RBFOX3: variants seen among roughly 807,000 people sequenced by gnomAD.
RBFOX3 encodes the protein RNA binding fox-1 homolog 3, also known as RNA binding protein fox-1 homolog 3.
A neutral mutation model predicts 48.7 loss-of-function variants in RBFOX3; 17 were observed. The ratio of observed to expected loss-of-function variants is 0.35; its 90% CI spans 0.24 to 0.52. The LOEUF (loss-of-function observed/expected upper bound fraction) is 0.52. RBFOX3 is among the 20% of genes least tolerant of loss of function. The pLI is 0.94. For missense variants in RBFOX3, 382 were observed against 497.5 expected (o/e 0.77, Z 2.21); for synonymous variants, 212 against 209.5 (o/e 1.01, Z -0.10).
At chr17:79,144,733 C>T (rs1281002277) in intron 4 of RBFOX3, among the ~76,000 whole-genome samples, 4 of 152,228 alleles carry the variant, frequency 2.6e-5, no homozygotes, top group African/African-American at 7.2e-5. Flanking sequence ...TTTCTGTTTC[C>T]TAGTCCTAAA....
At position 79,293,454 on chromosome 17, in the gene RBFOX3, TCCTTCCTTCCTTC is replaced by T. The variant is rs1436193712; in HGVS notation, c.-74+14257_-74+14269del. Among the ~76,000 whole-genome samples, 390 of 90,930 alleles carry T rather than the reference TCCTTCCTTCCTTC, an allele frequency of 4.3e-3. 4 individuals carry two copies. The highest frequency in any genetic ancestry group is 0.019 in the African/African-American group (363 of 19,300). 59.7% of individuals were successfully genotyped at this position (90,930 alleles called of 152,430 possible). On this transcript the variant is annotated intron_variant, in intron 3 of 14. Coordinates refer to ENST00000693108, the MANE Select transcript of RBFOX3 (RefSeq NM_001350451.2). ...TTCCTTCCTTCCTTCCTTCCTTCCT[TCCTTCCTTCCTTC>T]CCTTCCTTCCTGTCTCACTCTGTCT...
At chr17:79,529,572 C>T (rs1230633897) in intron 1 of RBFOX3, among the ~76,000 whole-genome samples, 1 of 152,096 alleles carries the variant, frequency 6.6e-6, no homozygotes, top group African/African-American at 2.4e-5. Context: ...AGTGAGGAGG[C>T]ATGAGGGGCC....
At chr17:79,145,601 C>T (rs1163090175) in intron 4 of RBFOX3, among the ~76,000 whole-genome samples, 3 of 152,164 alleles carry the variant, frequency 2.0e-5, no homozygotes, top group African/African-American at 4.8e-5. Context: ...CTTCTGGGGG[C>T]GCAGAGGCCT....
At chr17:79,287,003 A>G (rs375037718) in intron 3 of RBFOX3, among the ~76,000 whole-genome samples, 18 of 152,372 alleles carry the variant, frequency 1.2e-4, no homozygotes, top group Middle Eastern at 3.4e-3. Context: ...AGCCAGGCAC[A>G]GTTCACTAGC....
intron 4 of RBFOX3, among the ~76,000 whole-genome samples, chr17:79,118,111 G>A (rs944617223): frequency 1.3e-5 from 2 of 152,010 alleles, no homozygotes; most frequent in African/African-American, 2.4e-5. Flanking sequence ...AGTGCCGGCC[G>A]GCCCTGGGCT....
chr17:79,099,894 T>C (rs947931811), intron 9 of RBFOX3: 1 of 152,186 alleles, frequency 6.6e-6, no homozygotes, highest in African/African-American at 2.4e-5. Flanking sequence ...TTCCAGAGTG[T>C]TGGGTAGTGT....
chr17:79,116,504 A>C (rs2034008395), intron 4 of RBFOX3, among the ~76,000 whole-genome samples: 1 of 152,242 alleles, frequency 6.6e-6, no homozygotes, highest in Non-Finnish European at 1.5e-5. Flanking sequence ...GATGAGAGCG[A>C]AACTTCATCT....
chr17:79,113,782 G>A (rs2032922381), intron 5 of RBFOX3, among the ~76,000 whole-genome samples: 1 of 152,200 alleles, frequency 6.6e-6, no homozygotes, highest in Admixed American at 6.5e-5. Flanking sequence ...GGAACTAGGG[G>A]ACAGGGCTGG....
chr17:79,157,253 C>T (rs1338985211), intron 4 of RBFOX3, among the ~76,000 whole-genome samples: 1 of 152,208 alleles, frequency 6.6e-6, no homozygotes, highest in Non-Finnish European at 1.5e-5. Flanking sequence ...TTTGCCCTGG[C>T]CTGGCGTCCA....
At chr17:79,547,332 G>A (rs2090583316) in intron 1 of RBFOX3, among the ~76,000 whole-genome samples, 1 of 152,116 alleles carries the variant, frequency 6.6e-6, no homozygotes, top group Admixed American at 6.6e-5. Flanking sequence ...GCGCACGCCT[G>A]TAATCCCAGC....
intron 1 of RBFOX3, among the ~76,000 whole-genome samples, chr17:79,591,809 G>A (rs2093424022): frequency 6.6e-6 from 1 of 151,994 alleles, no homozygotes; most frequent in South Asian, 2.1e-4. Context: ...TGGAGGGTGT[G>A]AGGAGGGGTG....
chr17:79,270,667 G>A (rs2067505707), intron 3 of RBFOX3, among the ~76,000 whole-genome samples: 1 of 152,274 alleles, frequency 6.6e-6, no homozygotes, highest in Non-Finnish European at 1.5e-5. Flanking sequence ...CGCCTGCAAA[G>A]AGAGCGATGT....
chr17:79,301,667 C>T (rs2075335526), intron 3 of RBFOX3, among the ~76,000 whole-genome samples: 2 of 152,212 alleles, frequency 1.3e-5, no homozygotes, highest in Non-Finnish European at 2.9e-5. Flanking sequence ...CGCAGCAGCA[C>T]TACTCCCAGT....
intron 2 of RBFOX3, among the ~76,000 whole-genome samples, chr17:79,366,919 C>G (rs1339352648): frequency 6.6e-6 from 1 of 152,208 alleles, no homozygotes; most frequent in Admixed American, 6.5e-5. Context: ...TCAGAGAGAG[C>G]CACCTCGCCC....
rs1385049343 is a variant in RBFOX3 at position 79,421,788 on chromosome 17, C to G, written c.-175+60666G>C. Among the ~76,000 whole-genome samples the G allele has an allele frequency of 6.6e-6, 1 of 152,142 alleles. No homozygotes were observed. The highest frequency in any genetic ancestry group is 1.9e-4 in the East Asian group (1 of 5,174). On this transcript the variant is annotated intron_variant, in intron 2 of 14. Transcript: ENST00000693108. This position sits in a 1 kb window ranked among gnomAD's most constrained non-coding sequence, Gnocchi z 4.5. The stretch of plus-strand genomic sequence containing the variant: ...TGTGGTGGGGAGGTCTCCTTGAGGC[C>G]TTGGGACAAGGGCAGAGAGAGAGAA...
chr17:79,558,265 C>A (rs1383135405), intron 1 of RBFOX3, among the ~76,000 whole-genome samples: 1 of 152,148 alleles, frequency 6.6e-6, no homozygotes, highest in Non-Finnish European at 1.5e-5. Flanking sequence ...AGGGGCCTGG[C>A]GCAGGAGCAG....
chr17:79,431,326 T>C (rs1216320816), intron 2 of RBFOX3, among the ~76,000 whole-genome samples: 2 of 152,152 alleles, frequency 1.3e-5, no homozygotes, highest in African/African-American at 4.8e-5. Context: ...ACATTTTCTT[T>C]TTTTGAGACG....
At chr17:79,090,973 C>T (rs2146076096) in intron 14 of RBFOX3, 88 bp from the exon 15 acceptor site, 3 of 1,392,638 alleles carry the variant, frequency 2.2e-6, no homozygotes, top group Admixed American at 2.8e-5. Context: ...GGCACGGGGC[C>T]CCTGGCCTAA....
At chr17:79,541,240 A>G (rs1555790215) in intron 1 of RBFOX3, among the ~76,000 whole-genome samples, 1 of 152,216 alleles carries the variant, frequency 6.6e-6, no homozygotes, top group Non-Finnish European at 1.5e-5. Flanking sequence ...AAAATAAATT[A>G]GATTCCAAGC....
Sources: allele counts gnomAD v4.1 joint callset (sites outside exome capture counted in the v4.1 genomes callset), GRCh38; gene constraint gnomAD v4.1.1; non-coding constraint Gnocchi (gnomAD v3.1); transcripts MANE v1.5; gene names NCBI Gene and HGNC (gene_info 2026-07-23, HGNC 2026-07-21).